The following RNGTT variants were observed in gnomAD, a reference collection of about 807,000 sequenced individuals.
The protein encoded by RNGTT is mRNA-capping enzyme.
Under a neutral mutation model 79.3 loss-of-function variants are expected in RNGTT, and 33 were observed. That is an observed-to-expected ratio of 0.42 (90% confidence interval 0.32 to 0.56). The LOEUF (loss-of-function observed/expected upper bound fraction) is 0.56, where lower values mean the gene tolerates loss of function less well. Ranked by LOEUF, RNGTT falls within the 20% of genes least tolerant of loss-of-function variation. RNGTT has a pLI of 0.17. For missense variants in RNGTT, 497 were observed against 739.1 expected (o/e 0.67, Z 3.80); for synonymous variants, 222 against 235.9 (o/e 0.94, Z 0.54).
intron 13 of RNGTT, among the ~76,000 whole-genome samples, chr6:88,727,049 T>G (rs1033747886): frequency 2.6e-5 from 4 of 152,128 alleles, no homozygotes; most frequent in Non-Finnish European, 5.9e-5. Context: ...GGTAAATTTT[T>G]GTCCTAAAAT....
intron 1 of RNGTT, among the ~76,000 whole-genome samples, 184 bp from the exon 2 acceptor site, chr6:88,941,364 T>C (rs1784842594): frequency 6.6e-6 from 1 of 151,814 alleles, no homozygotes; most frequent in Admixed American, 6.6e-5. Flanking sequence ...GCCTCCTGAG[T>C]TCAAGCAATT....
At chr6:88,869,566 T>C (rs1377172526) in intron 8 of RNGTT, among the ~76,000 whole-genome samples, 1 of 152,110 alleles carries the variant, frequency 6.6e-6, no homozygotes, top group Non-Finnish European at 1.5e-5. Context: ...GCAGTTGGCC[T>C]TGGGATCTAT....
chr6:88,810,300 T>C (rs1167594093), intron 11 of RNGTT, among the ~76,000 whole-genome samples: 1 of 152,152 alleles, frequency 6.6e-6, no homozygotes. Context: ...GTGAAGCTGA[T>C]GAAATGTCCC....
At chr6:88,913,344 C>G (rs1783897854) in intron 4 of RNGTT, among the ~76,000 whole-genome samples, 1 of 152,002 alleles carries the variant, frequency 6.6e-6, no homozygotes. Flanking sequence ...GAAGGGACCC[C>G]TTCCTAACTC....
chr6:88,770,059 C>A (rs1057109009), intron 12 of RNGTT, among the ~76,000 whole-genome samples, 185 bp from the exon 13 acceptor site: 2 of 152,126 alleles, frequency 1.3e-5, no homozygotes, highest in African/African-American at 4.8e-5. Flanking sequence ...TCTTTTCCTA[C>A]CAAAGACATG....
chr6:88,842,407 A>G (rs1294466189), intron 11 of RNGTT, among the ~76,000 whole-genome samples: 3 of 152,188 alleles, frequency 2.0e-5, no homozygotes, highest in South Asian at 2.1e-4. Context: ...TGCAGCAGCA[A>G]TAACAGTAGT....
chr6:88,945,028 C>T (rs974341904), intron 1 of RNGTT, among the ~76,000 whole-genome samples: 2 of 152,178 alleles, frequency 1.3e-5, no homozygotes, highest in African/African-American at 2.4e-5. Context: ...GACTAAGGTC[C>T]ATCCACGGCC....
At chr6:88,617,799 C>T (rs1212280655) in intron 14 of RNGTT, among the ~76,000 whole-genome samples, 4 of 151,840 alleles carry the variant, frequency 2.6e-5, no homozygotes, top group African/African-American at 7.3e-5. Context: ...TTCCAATCCA[C>T]AAGCACCAAT....
At chr6:88,641,315 G>T (rs1187031308) in intron 14 of RNGTT, among the ~76,000 whole-genome samples, 1 of 149,510 alleles carries the variant, frequency 6.7e-6, no homozygotes, top group African/African-American at 2.5e-5. Flanking sequence ...CTCTAGCTTG[G>T]GCAACAGAGT....
intron 8 of RNGTT, among the ~76,000 whole-genome samples, chr6:88,857,107 T>C (rs1322812571): frequency 1.3e-5 from 2 of 152,134 alleles, no homozygotes; most frequent in African/African-American, 4.8e-5. Context: ...GCAGGTTTTC[T>C]ACCAAAACTG....
intron 8 of RNGTT, among the ~76,000 whole-genome samples, chr6:88,885,749 AAAT>A (rs1782835732): frequency 6.6e-6 from 1 of 152,250 alleles, no homozygotes; most frequent in South Asian, 2.1e-4. Context: ...ACCAAAAATA[AAAT>A]AATAAACAGA....
At chr6:88,689,725 T>C (rs970571605) in intron 13 of RNGTT, among the ~76,000 whole-genome samples, 2 of 151,886 alleles carry the variant, frequency 1.3e-5, no homozygotes, top group Admixed American at 1.3e-4. Flanking sequence ...ATTTAAAATA[T>C]TTACCAAACT....
At chr6:88,720,457 C>G (rs988995632) in intron 13 of RNGTT, among the ~76,000 whole-genome samples, 1 of 151,992 alleles carries the variant, frequency 6.6e-6, no homozygotes, top group African/African-American at 2.4e-5. Context: ...AGTTATACCA[C>G]CTCTCTGGGA....
At chr6:88,745,356 G>A (rs1204450986) in intron 13 of RNGTT, among the ~76,000 whole-genome samples, 1 of 152,160 alleles carries the variant, frequency 6.6e-6, no homozygotes, top group African/African-American at 2.4e-5. Flanking sequence ...CCAAATCGAG[G>A]TATTGGGAAT....
At chr6:88,677,317 G>T (rs1211325979) in intron 14 of RNGTT, among the ~76,000 whole-genome samples, 5 of 151,142 alleles carry the variant, frequency 3.3e-5, no homozygotes, top group Non-Finnish European at 5.9e-5. Flanking sequence ...GGGCAGGAGG[G>T]GGAAATTTCA....
intron 13 of RNGTT, among the ~76,000 whole-genome samples, chr6:88,758,397 G>A (rs1778092629): frequency 6.6e-6 from 1 of 152,182 alleles, no homozygotes; most frequent in African/African-American, 2.4e-5. Flanking sequence ...GGATAGTCAA[G>A]TACACAAGGC....
At chr6:88,804,079 C>A (rs1188238030) in intron 11 of RNGTT, among the ~76,000 whole-genome samples, 1 of 152,104 alleles carries the variant, frequency 6.6e-6, no homozygotes, top group Non-Finnish European at 1.5e-5. Context: ...TGGTACTTAA[C>A]ATATCATTCA....
chr6:88,671,659 C>A (rs1212273506), intron 14 of RNGTT, among the ~76,000 whole-genome samples: 3 of 152,162 alleles, frequency 2.0e-5, no homozygotes, highest in African/African-American at 4.8e-5. Flanking sequence ...CAAGCCTAAG[C>A]AAAAACAACA....
At position 88,736,093 on chromosome 6, in the gene RNGTT, A is replaced by G. The variant is rs1006379005; in HGVS notation, c.1439+33681T>C. Reference sequence around the variant, plus strand: ...TTGATAATTTAGATAAAGTGGATCAATTCTTTGAAAGGCACAAGCTACCAA... The same window carrying G: ...TTGATAATTTAGATAAAGTGGATCAGTTCTTTGAAAGGCACAAGCTACCAA... On this transcript the variant is annotated intron_variant, in intron 13 of 15. Transcript: ENST00000369485. Among the ~76,000 whole-genome samples the G allele has an allele frequency of 5.9e-5, 9 of 152,134 alleles. 1 individual carries two copies. Among genetic ancestry groups the G allele is most frequent in the African/African-American group, 2.2e-4 (9 of 41,444 alleles).
Sources: gnomAD v4.1 joint callset for allele counts (sites outside exome capture counted in the v4.1 genomes callset) on GRCh38, gnomAD v4.1.1 for gene constraint, MANE v1.5 for transcripts, NCBI Gene and HGNC (gene_info 2026-07-23, HGNC 2026-07-21) for gene names.